The following KIAA1217 variants were observed in gnomAD, a reference collection of about 807,000 sequenced individuals.
The protein encoded by KIAA1217 is KIAA1217.
Under a neutral mutation model 163.9 loss-of-function variants are expected in KIAA1217, and 88 were observed. That is an observed-to-expected ratio of 0.54 (90% CI 0.45 to 0.64). The LOEUF is 0.64. Among genes scored for constraint, KIAA1217 ranks in the 30% least tolerant of loss-of-function variants. KIAA1217 has a pLI of 0.00. For synonymous variants in KIAA1217, 903 were observed against 923.1 expected (o/e 0.98, Z 0.39); for missense variants, 2,372 against 2,475.0 (o/e 0.96, Z 0.88).
chr10:24,205,585 A>T (rs2067511218), upstream of KIAA1217, among the ~76,000 whole-genome samples: 1 of 152,000 alleles, frequency 6.6e-6, no homozygotes, highest in Non-Finnish European at 1.5e-5. Context: ...CATTCTGACT[A>T]ACACGGTGAA....
At chr10:24,196,150 C>T (rs1399126353) in intron 2 of KIAA1217, among the ~76,000 whole-genome samples, 1 of 151,512 alleles carries the variant, frequency 6.6e-6, no homozygotes, top group African/African-American at 2.4e-5. Flanking sequence ...CACACACACA[C>T]ACACACACAC....
rs78450909 is a variant in KIAA1217, at chr10:23,949,144, C to T, written c.-320-58081C>T. Among the ~76,000 whole-genome samples, 654 of 152,272 alleles carry T rather than the reference C, an allele frequency of 4.3e-3. 6 individuals are homozygous for T. Among genetic ancestry groups the T allele is most frequent in the African/African-American group, 0.014 (594 of 41,546 alleles). ...GGATACTTGAATTGATTCATATGAT[C>T]CTCCCATGAAGTCTTCTTCAATACA... On this transcript the variant is annotated intron_variant, in intron 1 of 18. Transcript: ENST00000376462.
chr10:24,173,428 C>A (rs1185179692), intron 2 of KIAA1217, among the ~76,000 whole-genome samples: 3 of 152,072 alleles, frequency 2.0e-5, no homozygotes, highest in Non-Finnish European at 2.9e-5. Context: ...GTGCATAATG[C>A]ACTTGAATCA....
chr10:24,112,816 G>A (rs968366826), intron 2 of KIAA1217, among the ~76,000 whole-genome samples: 1 of 152,054 alleles, frequency 6.6e-6, no homozygotes, highest in African/African-American at 2.4e-5. Flanking sequence ...TCGATCTCCT[G>A]ACCTCATGAT....
chr10:24,368,763 C>T, intron 2 of KIAA1217: 1 of 763,744 alleles, frequency 1.3e-6, no homozygotes, highest in Non-Finnish European at 1.6e-6. Context: ...CATAGGATCC[C>T]AGAAGCTACG....
chr10:24,520,651 A>AAAAAAATATAT (rs1554926857), intron 11 of KIAA1217, among the ~76,000 whole-genome samples: 2 of 39,660 alleles, frequency 5.0e-5, no homozygotes, highest in African/African-American at 1.8e-4. Flanking sequence ...AAAAAAAAAA[A>AAAAAAATATAT]ATATATATAT....
At chr10:23,882,438 A>G (rs1033717739) in intron 1 of KIAA1217, among the ~76,000 whole-genome samples, 1 of 151,926 alleles carries the variant, frequency 6.6e-6, no homozygotes, top group African/African-American at 2.4e-5. Flanking sequence ...GGGGAACTTG[A>G]CAGAGAGGCT....
rs1485562790 is a variant in KIAA1217, at chr10:23,790,172, C to T, written c.-321+94938C>T. ...ACACATATGCATATACACATATACA[C>T]ATATGCATATACACATATACACATA... On this transcript the variant is annotated intron_variant, in intron 1 of 18. Transcript: ENST00000376462. 3.2e-5 allele frequency among the ~76,000 whole-genome samples: 2 copies of T among 62,678 alleles called. 1 individual carries two copies. Among genetic ancestry groups the T allele is most frequent in the Non-Finnish European group, 5.6e-5 (2 of 35,778 alleles). The allele number at this position is 62,678 out of a possible 152,430, so 41.1% of individuals were successfully genotyped here. A position where few individuals can be genotyped will look rare whatever the true frequency, so the allele number is the denominator to read the frequency against.
chr10:24,362,590 A>C (rs1389603586), intron 2 of KIAA1217, among the ~76,000 whole-genome samples: 2 of 152,218 alleles, frequency 1.3e-5, no homozygotes, highest in African/African-American at 4.8e-5. Flanking sequence ...AGAGCTTTTC[A>C]TGAGATCTTA....
At chr10:24,508,016 C>A (rs958303579) in intron 9 of KIAA1217, among the ~76,000 whole-genome samples, 1 of 152,118 alleles carries the variant, frequency 6.6e-6, no homozygotes, top group African/African-American at 2.4e-5. Flanking sequence ...TACTTCCTAA[C>A]TCATTTTATG....
intron 1 of KIAA1217, among the ~76,000 whole-genome samples, chr10:23,762,345 G>T (rs142285819): frequency 5.5e-4 from 82 of 149,918 alleles, no homozygotes; most frequent in Admixed American, 2.1e-3. Context: ...CCAATATCCC[G>T]GATGAACATC....
chr10:23,758,923 G>A (rs1834090589), intron 1 of KIAA1217, among the ~76,000 whole-genome samples: 1 of 151,156 alleles, frequency 6.6e-6, no homozygotes, highest in Admixed American at 6.6e-5. Flanking sequence ...CTGACATCAG[G>A]TGATCCACCT....
Position 23,829,409 on chromosome 10 carries a change from T to A in KIAA1217, c.-321+134175T>A, listed in dbSNP as rs566989237. The stretch of plus-strand genomic sequence containing the variant: ...ATTCGTCTTCTCCATGGGAAAAATA[T>A]TGACACTGCTTTGGTGAAAACTTAC... On this transcript the variant is annotated intron_variant, in intron 1 of 18. Transcript: ENST00000376462. Among the ~76,000 whole-genome samples the A allele has an allele frequency of 1.1e-4, 16 of 152,228 alleles. 1 individual carries two copies. The highest frequency in any genetic ancestry group is 3.9e-4 in the African/African-American group (16 of 41,558).
chr10:24,256,309 C>T (rs1206454657), intron 2 of KIAA1217, among the ~76,000 whole-genome samples: 2 of 152,174 alleles, frequency 1.3e-5, no homozygotes, highest in Non-Finnish European at 2.9e-5. Context: ...CTCAGTTCTT[C>T]CTAGTGCTTG....
At chr10:23,750,695 G>A (rs542131601) in intron 1 of KIAA1217, among the ~76,000 whole-genome samples, 1 of 152,206 alleles carries the variant, frequency 6.6e-6, no homozygotes, top group African/African-American at 2.4e-5. Flanking sequence ...ATATACACTT[G>A]TTCAATTAAT....
At chr10:23,828,305 T>C (rs1254143392) in intron 1 of KIAA1217, among the ~76,000 whole-genome samples, 1 of 152,074 alleles carries the variant, frequency 6.6e-6, no homozygotes, top group Non-Finnish European at 1.5e-5. Context: ...CAGGAACACA[T>C]CCTCTGATAC....
intron 1 of KIAA1217, among the ~76,000 whole-genome samples, chr10:23,874,782 C>G (rs142819927): frequency 8.5e-5 from 13 of 152,064 alleles, no homozygotes; most frequent in African/African-American, 3.1e-4. Context: ...GGCATCTCTA[C>G]CAGTCACTAT....
intron 3 of KIAA1217, among the ~76,000 whole-genome samples, chr10:24,381,679 G>C (rs1239259192): frequency 4.6e-5 from 7 of 152,188 alleles, no homozygotes; most frequent in Non-Finnish European, 1.5e-5. Flanking sequence ...AAAAAAATTA[G>C]GGACCAGTGC....
intron 1 of KIAA1217, among the ~76,000 whole-genome samples, chr10:23,758,864 A>G (rs1299358212): frequency 6.7e-6 from 1 of 149,716 alleles, no homozygotes; most frequent in Non-Finnish European, 1.5e-5. Context: ...TTTTTGTATT[A>G]TTGTTAGAGA....
Sources: gnomAD v4.1 joint callset for allele counts (sites outside exome capture counted in the v4.1 genomes callset) on GRCh38, gnomAD v4.1.1 for gene constraint, MANE v1.5 for transcripts, NCBI Gene and HGNC (gene_info 2026-07-23, HGNC 2026-07-21) for gene names.